The following SMG5 variants were observed in gnomAD, a reference collection of about 807,000 sequenced individuals.
The protein encoded by SMG5 is nonsense-mediated mRNA decay factor SMG5.
In SMG5, 53 loss-of-function variants were observed where a neutral mutation model predicts 122.9. The observed-to-expected ratio is 0.43, with a 90% CI of 0.35 to 0.54. SMG5 has a LOEUF of 0.54. SMG5 is among the 20% of genes least tolerant of loss of function. SMG5 has a pLI of 0.01. For synonymous variants in SMG5, 477 were observed against 490.2 expected, an observed-to-expected ratio of 0.97 and a Z score of 0.35; for missense variants, 1,153 against 1,285.6, an observed-to-expected ratio of 0.90 and a Z score of 1.58.
rs113767368 is a variant in SMG5 at position 156,272,940 on chromosome 1, T to C, written c.634+421A>G. Reference sequence around the variant, plus strand: ...CGTTACCTGAATTGATGGAGTACCATTCCTCTGGCTTCCAATATGGCTCCT... The same window carrying C: ...CGTTACCTGAATTGATGGAGTACCACTCCTCTGGCTTCCAATATGGCTCCT... On this transcript the variant is annotated intron_variant, in intron 6 of 21. Transcript: ENST00000361813. Among the ~76,000 whole-genome samples, 192 of 152,264 alleles carry C rather than the reference T, an allele frequency of 1.3e-3. 1 individual carries two copies. The highest frequency in any genetic ancestry group is 4.4e-3 in the African/African-American group (181 of 41,556).
intron 17 of SMG5, 61 bp downstream of exon 17, chr1:156,253,388 G>T: frequency 6.5e-7 from 1 of 1,548,758 alleles, no homozygotes; most frequent in Non-Finnish European, 8.9e-7. Context: ...AGACCTGCCA[G>T]TAGGGTTGAC....
At chr1:156,282,849 C>A (rs1320484965), upstream of SMG5, 1 of 657,322 alleles carries the variant, frequency 1.5e-6, no homozygotes, top group Non-Finnish European at 2.5e-6. Flanking sequence ...CCTGCCAAAT[C>A]TCGCGATGGC....
Position 156,268,427 on chromosome 1 carries a change from A to G in SMG5, c.714-12T>C, listed in dbSNP as rs1662257493. 11 of 1,612,888 alleles carry G rather than the reference A, an allele frequency of 6.8e-6. No homozygotes were observed. Among genetic ancestry groups the G allele is most frequent in the Non-Finnish European group, 9.3e-6 (11 of 1,179,672 alleles). ...CTTCTGACTGGATGCTGTAAGAGAT[A>G]GAGGTGAGCTACTGAGTCTTGGCAG... On this transcript the variant is annotated splice_polypyrimidine_tract_variant and intron_variant, in intron 7 of 21. Coordinates refer to ENST00000361813, the MANE Select transcript of SMG5 (RefSeq NM_015327.3).
intron 9 of SMG5, 101 bp downstream of exon 9, chr1:156,268,014 G>C: frequency 8.2e-7 from 1 of 1,220,550 alleles, no homozygotes. Context: ...TGTTCAAACT[G>C]AGGGCAGAAC....
At chr1:156,276,382 C>T (rs1220425653) in intron 4 of SMG5, among the ~76,000 whole-genome samples, 2 of 152,154 alleles carry the variant, frequency 1.3e-5, no homozygotes, top group Non-Finnish European at 2.9e-5. Flanking sequence ...CTGCCTCGGC[C>T]TCTCAAAGTG....
intron 15 of SMG5, among the ~76,000 whole-genome samples, chr1:156,260,191 G>A (rs1184202027): frequency 6.6e-6 from 1 of 152,172 alleles, no homozygotes; most frequent in Non-Finnish European, 1.5e-5. Flanking sequence ...GCCCTTTACA[G>A]AAGGCAGAGA....
intron 4 of SMG5, 105 bp from the exon 5 acceptor site, chr1:156,274,791 C>G (rs1662606975): frequency 2.3e-6 from 2 of 870,480 alleles, no homozygotes; most frequent in Non-Finnish European, 1.9e-6. Flanking sequence ...CAGGGCCAGT[C>G]TTGGAACATT....
chr1:156,264,975 G>A (rs935405393), intron 12 of SMG5, among the ~76,000 whole-genome samples: 15 of 150,932 alleles, frequency 9.9e-5, no homozygotes, highest in South Asian at 2.1e-4. Flanking sequence ...GCAGTGAGCC[G>A]AGATCGTGCC....
chr1:156,289,210 C>T, the SMG5 span, among the ~76,000 whole-genome samples: 1 of 152,202 alleles, frequency 6.6e-6, no homozygotes, highest in Non-Finnish European at 1.5e-5. Flanking sequence ...CGTGGTGGCT[C>T]ACACCTGTAA....
chr1:156,278,530 T>A (rs1442083497), intron 2 of SMG5, among the ~76,000 whole-genome samples: 2 of 152,052 alleles, frequency 1.3e-5, no homozygotes, highest in African/African-American at 2.4e-5. Flanking sequence ...CATACTCAAC[T>A]GATTTTTTAA....
intron 21 of SMG5, 36 bp downstream of exon 21, chr1:156,250,817 TCCCTA>T (rs778280726): frequency 6.2e-7 from 1 of 1,611,028 alleles, no homozygotes; most frequent in South Asian, 1.1e-5. Context: ...TGGTACCTCG[TCCCTA>T]TTCCACACCA....
rs183802890 is a variant in SMG5, at chr1:156,256,990, G to A, written c.2442+2015C>T. On this transcript the variant is annotated intron_variant, in intron 16 of 21. Transcript: ENST00000361813. ...CGCTGAGGCTGGAGTGCAGTGGCAC[G>A]ATCTTGACTCACTGCAACATCTGCC... is the stretch of plus-strand genomic sequence containing the variant. Among the ~76,000 whole-genome samples, 822 of 148,966 alleles carry A rather than the reference G, an allele frequency of 5.5e-3. 27 individuals carry two copies. The highest frequency in any genetic ancestry group is 0.05 in the Admixed American group (739 of 14,778).
At chr1:156,273,977 T>C (rs1027946436) in intron 5 of SMG5, among the ~76,000 whole-genome samples, 1 of 152,154 alleles carries the variant, frequency 6.6e-6, no homozygotes, top group Non-Finnish European at 1.5e-5. Context: ...GAGAAGACAC[T>C]ACTAATGATA....
chr1:156,267,905 C>T lies in SMG5; in HGVS notation c.908+210G>A, dbSNP rs1224214070. Among the ~76,000 whole-genome samples the T allele has an allele frequency of 2.6e-5, 4 of 152,118 alleles. No individual in the cohort carries two copies. In the South Asian group the frequency reaches 6.2e-4, roughly 24 times the overall value. On this transcript the variant is annotated intron_variant, in intron 9 of 21. Transcript: ENST00000361813. Reference sequence around the variant, plus strand: ...TCCCTCTTCAACATCTCCTAAGCACCCATTCTGTGCCATAGGGAGAGCTGC... The same window carrying T: ...TCCCTCTTCAACATCTCCTAAGCACTCATTCTGTGCCATAGGGAGAGCTGC...
intron 4 of SMG5, among the ~76,000 whole-genome samples, chr1:156,275,655 T>C (rs1662649368): frequency 6.6e-6 from 1 of 152,226 alleles, no homozygotes; most frequent in South Asian, 2.1e-4. Context: ...CACTTCTCAG[T>C]TGGCTGAATG....
In SMG5 at chr1:156,262,641, G is replaced by C. The variant is rs562723539; in HGVS notation, c.2031+754C>G. On this transcript the variant is annotated intron_variant, in intron 13 of 21. Transcript: ENST00000361813. ...TGCCCATACTGGAACACCTCTCTAGGGATGTGACCCAGCATCTCCATCTTT... is the reference window on the plus strand; with the variant it reads ...TGCCCATACTGGAACACCTCTCTAGCGATGTGACCCAGCATCTCCATCTTT... Among the ~76,000 whole-genome samples the C allele has an allele frequency of 2.0e-5, 3 of 152,140 alleles. No homozygotes were observed. In the South Asian group the frequency reaches 6.2e-4, roughly 32 times the overall value.
Position 156,268,141 on chromosome 1 carries a change from C to T in SMG5, c.882G>A (p.Leu294=). 1 of 1,614,146 alleles carries T rather than the reference C, an allele frequency of 6.2e-7. No individual in the cohort carries two copies. Among genetic ancestry groups the T allele is most frequent in the Non-Finnish European group, 8.5e-7 (1 of 1,180,014 alleles). ...TGCTTTTGGGCTGTAGGAGGCTTTG[C>T]AGATACATAAAGTTCACTAGCAACC... ...IKRLLVNFMY[L]QSLLQPKSSS... is the part of the protein sequence containing the mutation. Residue 294 remains leucine, a synonymous_variant, in exon 9 of 22, where the codon CTG becomes CTA. Transcript: ENST00000361813.
chr1:156,282,169 G>A (rs892996273), intron 1 of SMG5, among the ~76,000 whole-genome samples: 2 of 152,154 alleles, frequency 1.3e-5, no homozygotes, highest in African/African-American at 4.8e-5. Context: ...CACCGTGAGA[G>A]AGTGGCAAAG....
In SMG5 at chr1:156,282,623, T is replaced by C. The variant is rs1347202003; in HGVS notation, c.58A>G (p.Thr20Ala). 1.9e-6 allele frequency: 3 copies of C among 1,608,750 alleles called. No homozygotes were observed. The highest frequency in any genetic ancestry group is 2.2e-5 in the East Asian group (1 of 44,846). The part of the protein sequence containing the change: ...SSEPEAKVLH[T>A]KRLYRAVVEA... ...CCCTCTCACCGGTAAAGCCGCTTAG[T>C]GTGGAGGACTTTTGCTTCGGGCTCG... The change falls in exon 1 of 22, where the codon ACT becomes GCT. Residue 20 changes from threonine to alanine, a missense_variant. By Grantham distance (58) the Thr-to-Ala change is moderately conservative (BLOSUM62 0). Around this residue, in one of 5 missense-constraint regions of SMG5, gnomAD observed 213 missense variants for 197.5 expected, o/e 1.08. Transcript: ENST00000361813.
Sources: gnomAD v4.1 joint callset for allele counts (sites outside exome capture counted in the v4.1 genomes callset) on GRCh38, gnomAD v4.1.1 for gene constraint, gnomAD v4.1.1 regional missense constraint, MANE v1.5 for transcripts, NCBI Gene and HGNC (gene_info 2026-07-23, HGNC 2026-07-21) for gene names.